The following TSPAN9 variants were observed in gnomAD, a reference collection of about 807,000 sequenced individuals.
TSPAN9 encodes the protein tetraspanin 9.
A neutral mutation model predicts 31.0 loss-of-function variants in TSPAN9; 16 were observed. The ratio of observed to expected loss-of-function variants is 0.52; its 90% CI spans 0.35 to 0.78. The LOEUF (loss-of-function observed/expected upper bound fraction) is 0.78. TSPAN9 is among the 30% of genes least tolerant of loss of function. The probability of loss-of-function intolerance (pLI) is 0.01; values close to 1 mark genes in which losing one functional copy is unlikely to be tolerated. For synonymous variants in TSPAN9, 145 were observed against 121.6 expected (o/e 1.19, Z -1.27); for missense variants, 272 against 312.5 (o/e 0.87, Z 0.98).
At chr12:3,127,136 C>T (rs2098327682) in intron 2 of TSPAN9, among the ~76,000 whole-genome samples, 1 of 151,446 alleles carries the variant, frequency 6.6e-6, no homozygotes, top group Non-Finnish European at 1.5e-5. Flanking sequence ...TGTGGAGGCT[C>T]ACGACTATAA....
intron 2 of TSPAN9, among the ~76,000 whole-genome samples, chr12:3,141,782 C>T (rs2098334979): frequency 6.6e-6 from 1 of 152,172 alleles, no homozygotes; most frequent in African/African-American, 2.4e-5. Context: ...TGCTTAGTCC[C>T]CACCCACCAA....
chr12:3,101,208 A>T (rs748021652), intron 2 of TSPAN9, among the ~76,000 whole-genome samples: 3 of 152,146 alleles, frequency 2.0e-5, no homozygotes, highest in Non-Finnish European at 4.4e-5. Flanking sequence ...CAGTTTTCCA[A>T]CATGTGTAGG....
At chr12:3,261,479 G>T (rs1862448162) in intron 3 of TSPAN9, among the ~76,000 whole-genome samples, 1 of 152,094 alleles carries the variant, frequency 6.6e-6, no homozygotes, top group African/African-American at 2.4e-5. Context: ...TCAACCATGG[G>T]CCCCAGGTCC....
In TSPAN9 at chr12:3,150,158, C is replaced by T. The variant is rs188557452; in HGVS notation, c.-17-51019C>T. ...AGGTGTGGGAGATGCCCGCTGGGCC[C>T]GTTACATTTGGCTGGACTTCAGAGA... On this transcript the variant is annotated intron_variant, in intron 2 of 8. Transcript: ENST00000011898. Among the ~76,000 whole-genome samples the T allele has an allele frequency of 7.9e-5, 12 of 152,288 alleles. No individual in the cohort carries two copies. The South Asian group carries it at 1.5e-3, about 18-fold the overall frequency.
intron 3 of TSPAN9, among the ~76,000 whole-genome samples, chr12:3,230,927 G>A (rs968770598): frequency 9.2e-5 from 14 of 152,106 alleles, no homozygotes; most frequent in African/African-American, 2.4e-4. Context: ...ATCTCAGTGC[G>A]TACCTTCCTG....
chr12:3,166,475 T>G (rs1220271405), intron 2 of TSPAN9, among the ~76,000 whole-genome samples: 1 of 152,258 alleles, frequency 6.6e-6, no homozygotes, highest in Non-Finnish European at 1.5e-5. Context: ...AAGACTAGTA[T>G]TATACATATA....
At chr12:3,156,633 G>A (rs1015952393) in intron 2 of TSPAN9, among the ~76,000 whole-genome samples, 1 of 151,702 alleles carries the variant, frequency 6.6e-6, no homozygotes, top group African/African-American at 2.4e-5. Context: ...TCAGCCTCCC[G>A]AGCGGCTGGG....
At chr12:3,243,291 T>A (rs1468446364) in intron 3 of TSPAN9, among the ~76,000 whole-genome samples, 1 of 151,954 alleles carries the variant, frequency 6.6e-6, no homozygotes, top group Non-Finnish European at 1.5e-5. Flanking sequence ...GTATGTGGAG[T>A]GTTTCTCATG....
rs748096764 is a variant in TSPAN9, at chr12:3,218,544, G to C, written c.63+17288G>C. Among the ~76,000 whole-genome samples, 6 of 152,316 alleles carry C rather than the reference G, an allele frequency of 3.9e-5. No homozygotes were observed. The East Asian group carries it at 7.7e-4, about 20-fold the overall frequency. ...GCCTGGGTGGGCCAGGGGTGATGGC[G>C]GTAGGAGCGGGCCTGGCTGCCTTCC... On this transcript the variant is annotated intron_variant, in intron 3 of 8. Transcript: ENST00000011898.
chr12:3,097,865 C>T (rs2098309904), intron 2 of TSPAN9, among the ~76,000 whole-genome samples: 1 of 152,240 alleles, frequency 6.6e-6, no homozygotes, highest in Admixed American at 6.5e-5. Context: ...TCATCTCTTT[C>T]TCCCTTCCCC....
chr12:3,185,581 C>T lies in TSPAN9; in HGVS notation c.-17-15596C>T, dbSNP rs377179150. Among the ~76,000 whole-genome samples, 66 of 152,288 alleles carry T rather than the reference C, an allele frequency of 4.3e-4. 1 individual carries two copies. In the East Asian group the frequency reaches 0.012, roughly 27 times the overall value. ...CTTCGGAGCGCCTCAGGTCAGCACT[C>T]CTTAGTGAGTTTGCTTCCCTACCTC... On this transcript the variant is annotated intron_variant, in intron 2 of 8. Coordinates refer to ENST00000011898, the MANE Select transcript of TSPAN9 (RefSeq NM_006675.5).
intron 3 of TSPAN9, among the ~76,000 whole-genome samples, chr12:3,243,573 C>T (rs759408569): frequency 6.6e-6 from 1 of 152,210 alleles, no homozygotes; most frequent in Non-Finnish European, 1.5e-5. Context: ...GCTTAGGGCA[C>T]AGCCAGATCA....
In TSPAN9 at chr12:3,178,657, A is replaced by G. The variant is rs538651673; in HGVS notation, c.-17-22520A>G. ...GACGCTTAGTAGGCACTCCATAAACATCTCTTCTTCCCTTTCCTGAGAGTT... is the reference window on the plus strand; with the variant it reads ...GACGCTTAGTAGGCACTCCATAAACGTCTCTTCTTCCCTTTCCTGAGAGTT... On this transcript the variant is annotated intron_variant, in intron 2 of 8. Transcript: ENST00000011898. 2.6e-3 allele frequency among the ~76,000 whole-genome samples: 396 copies of G among 152,272 alleles called. 2 individuals are homozygous for G. Among genetic ancestry groups the G allele is most frequent in the African/African-American group, 8.7e-3 (363 of 41,562 alleles).
At chr12:3,145,053 C>T (rs1263828151) in intron 2 of TSPAN9, among the ~76,000 whole-genome samples, 1 of 152,142 alleles carries the variant, frequency 6.6e-6, no homozygotes, top group Non-Finnish European at 1.5e-5. Context: ...GGAAATGTCC[C>T]TCCTTGATTT....
intron 3 of TSPAN9, among the ~76,000 whole-genome samples, chr12:3,267,235 C>G (rs1862553470): frequency 6.6e-6 from 1 of 152,216 alleles, no homozygotes; most frequent in African/African-American, 2.4e-5. Flanking sequence ...GTATCCTTGT[C>G]CTGTTCTCCC....
chr12:3,122,464 G>A (rs1455302219), intron 2 of TSPAN9, among the ~76,000 whole-genome samples: 1 of 151,874 alleles, frequency 6.6e-6, no homozygotes, highest in African/African-American at 2.4e-5. Flanking sequence ...AATTTTTTTT[G>A]TTTGTATGTT....
chr12:3,153,272 A>G (rs528077445), intron 2 of TSPAN9, among the ~76,000 whole-genome samples: 21 of 152,334 alleles, frequency 1.4e-4, no homozygotes, highest in African/African-American at 5.0e-4. Flanking sequence ...AATACTTATC[A>G]TATAAGTAAT....
At chr12:3,205,701 C>A (rs1025437199) in intron 3 of TSPAN9, among the ~76,000 whole-genome samples, 2 of 125,308 alleles carry the variant, frequency 1.6e-5, no homozygotes, top group African/African-American at 2.8e-5. Flanking sequence ...GTAACCTGGG[C>A]AGCAAGAGGC....
At chr12:3,201,372 AGT>A in intron 3 of TSPAN9, 116 bp downstream of exon 3, 1 of 1,040,308 alleles carries the variant, frequency 9.6e-7, no homozygotes, top group Non-Finnish European at 1.4e-6. Flanking sequence ...CACAGTGGTA[AGT>A]GTGCTTTTAA....
Sources: gnomAD v4.1 joint callset for allele counts (sites outside exome capture counted in the v4.1 genomes callset) on GRCh38, gnomAD v4.1.1 for gene constraint, MANE v1.5 for transcripts, NCBI Gene and HGNC (gene_info 2026-07-23, HGNC 2026-07-21) for gene names.